The following CNTNAP2 variants were observed in gnomAD, a reference collection of about 807,000 sequenced individuals.
The protein encoded by CNTNAP2 is contactin-associated protein-like 2.
CNTNAP2 carries 98 observed loss-of-function variants against 155.2 expected under a neutral mutation model. The observed-to-expected ratio is 0.63, with a 90% CI of 0.54 to 0.75. CNTNAP2 has a LOEUF of 0.75. Ranked by LOEUF, CNTNAP2 falls within the 30% of genes least tolerant of loss-of-function variation. CNTNAP2 has a pLI of 0.00. For missense variants in CNTNAP2, 1,727 were observed against 1,688.1 expected, an observed-to-expected ratio of 1.02 and a Z score of -0.40; for synonymous variants, 651 against 631.2, an observed-to-expected ratio of 1.03 and a Z score of -0.47.
intron 21 of CNTNAP2, among the ~76,000 whole-genome samples, chr7:148,344,866 C>T (rs1009522449): frequency 6.6e-6 from 1 of 152,190 alleles, no homozygotes; most frequent in Non-Finnish European, 1.5e-5. Flanking sequence ...AATATAAGCT[C>T]ATGCATTTAG....
At chr7:147,621,851 A>G (rs1435258415) in intron 12 of CNTNAP2, among the ~76,000 whole-genome samples, 1 of 152,086 alleles carries the variant, frequency 6.6e-6, no homozygotes, top group Non-Finnish European at 1.5e-5. Flanking sequence ...AATAGATGAA[A>G]AAGAAAAACC....
chr7:148,106,493 G>GAGATATAT (rs1554472856), intron 15 of CNTNAP2, among the ~76,000 whole-genome samples: 4 of 124,910 alleles, frequency 3.2e-5, no homozygotes, highest in African/African-American at 1.4e-4. Context: ...CACACTTTGA[G>GAGATATAT]ATATATATAT....
intron 8 of CNTNAP2, among the ~76,000 whole-genome samples, chr7:147,271,521 T>TAA (rs1158536382): frequency 1.3e-5 from 2 of 152,106 alleles, no homozygotes; most frequent in African/African-American, 4.8e-5. Flanking sequence ...ACACTGCTGG[T>TAA]AAAAACGTAC....
At chr7:147,995,620 T>G (rs1439650497) in intron 15 of CNTNAP2, among the ~76,000 whole-genome samples, 1 of 151,492 alleles carries the variant, frequency 6.6e-6, no homozygotes, top group Non-Finnish European at 1.5e-5. Flanking sequence ...CTCCTGCCAT[T>G]CTCCTGCCTC....
At chr7:147,707,827 G>A (rs1191081226) in intron 13 of CNTNAP2, among the ~76,000 whole-genome samples, 6 of 152,204 alleles carry the variant, frequency 3.9e-5, no homozygotes, top group African/African-American at 1.4e-4. Flanking sequence ...TGTGGTATGT[G>A]TACGTGGGTA....
At chr7:148,096,279 A>ATGTG (rs3056207) in intron 15 of CNTNAP2, among the ~76,000 whole-genome samples, 5,633 of 144,770 alleles carry the variant, frequency 0.039, 114 homozygotes, top group Non-Finnish European at 0.045. Flanking sequence ...GCATGCATGC[A>ATGTG]TGTGTGTGTG....
intron 10 of CNTNAP2, among the ~76,000 whole-genome samples, chr7:147,481,029 C>A (rs546268112): frequency 6.6e-6 from 1 of 152,126 alleles, no homozygotes; most frequent in Non-Finnish European, 1.5e-5. Context: ...CTGTTCATTG[C>A]GCTTGGTACC....
intron 9 of CNTNAP2, among the ~76,000 whole-genome samples, chr7:147,334,623 A>C (rs753555617): frequency 3.3e-5 from 5 of 152,202 alleles, no homozygotes; most frequent in Non-Finnish European, 7.3e-5. Flanking sequence ...GAGATCAAGA[A>C]GGTAATTCTA....
At chr7:147,694,549 ATTTATTCTCATGTGAG>A (rs1196936380) in intron 13 of CNTNAP2, among the ~76,000 whole-genome samples, 3 of 152,108 alleles carry the variant, frequency 2.0e-5, no homozygotes, top group Non-Finnish European at 4.4e-5. Flanking sequence ...CAGATTGTCA[ATTTATTCTCATGTGAG>A]TTTTTCAAAG....
At chr7:148,129,180 A>G (rs939166082) in intron 16 of CNTNAP2, among the ~76,000 whole-genome samples, 1 of 152,186 alleles carries the variant, frequency 6.6e-6, no homozygotes, top group East Asian at 1.9e-4. Context: ...AGACCTCACT[A>G]GAGATCTGGT....
chr7:146,764,445 A>G (rs928847229), intron 1 of CNTNAP2, among the ~76,000 whole-genome samples: 1 of 150,890 alleles, frequency 6.6e-6, no homozygotes, highest in Admixed American at 6.6e-5. Flanking sequence ...GCTAGGGTAA[A>G]AATTGTTTTT....
intron 4 of CNTNAP2, among the ~76,000 whole-genome samples, chr7:147,079,031 G>A (rs1456305611): frequency 6.6e-6 from 1 of 152,120 alleles, no homozygotes; most frequent in Non-Finnish European, 1.5e-5. Context: ...GATTACAGGT[G>A]TGAGCCACTG....
At chr7:147,903,423 T>C (rs1799907829) in intron 13 of CNTNAP2, 142 bp from the exon 14 acceptor site, 1 of 876,864 alleles carries the variant, frequency 1.1e-6, no homozygotes, top group Non-Finnish European at 1.8e-6. Flanking sequence ...CTGTGGGTTG[T>C]CTGTTTGAAA....
At chr7:147,472,857 T>C (rs10282026) in intron 10 of CNTNAP2, among the ~76,000 whole-genome samples, 118,579 of 152,148 alleles carry the variant, frequency 0.78, 46,571 homozygotes, top group African/African-American at 0.87. Context: ...TTTGATCATA[T>C]TCACCCAGCA....
At chr7:146,855,557 G>C (rs1794957628) in intron 3 of CNTNAP2, among the ~76,000 whole-genome samples, 1 of 151,656 alleles carries the variant, frequency 6.6e-6, no homozygotes, top group Admixed American at 6.6e-5. Context: ...ATATTGTTTA[G>C]TGAAAAAAAG....
intron 1 of CNTNAP2, among the ~76,000 whole-genome samples, chr7:146,577,176 G>A (rs1798538126): frequency 6.6e-6 from 1 of 151,976 alleles, no homozygotes; most frequent in South Asian, 2.1e-4. Flanking sequence ...GCTTTTGCTA[G>A]TTAAAAACAG....
intron 21 of CNTNAP2, among the ~76,000 whole-genome samples, chr7:148,343,048 C>T (rs1439263258): frequency 6.6e-6 from 1 of 152,234 alleles, no homozygotes; most frequent in Non-Finnish European, 1.5e-5. Flanking sequence ...CCATTGTGGG[C>T]CACAGCACTC....
At chr7:146,325,731 CTTCCTTCA>C (rs1453750452) in intron 1 of CNTNAP2, among the ~76,000 whole-genome samples, 1 of 151,892 alleles carries the variant, frequency 6.6e-6, no homozygotes, top group Non-Finnish European at 1.5e-5. Flanking sequence ...TTCTTTCCAT[CTTCCTTCA>C]TTCCTACTTT....
At chr7:146,815,356 CTG>C (rs1187659514) in intron 2 of CNTNAP2, among the ~76,000 whole-genome samples, 3 of 152,122 alleles carry the variant, frequency 2.0e-5, no homozygotes, top group South Asian at 2.1e-4. Flanking sequence ...CTCTAAATAA[CTG>C]TGTGATATTG....
Sources: allele counts gnomAD v4.1 joint callset (sites outside exome capture counted in the v4.1 genomes callset), GRCh38; gene constraint gnomAD v4.1.1; transcripts MANE v1.5; gene names NCBI Gene and HGNC (gene_info 2026-07-23, HGNC 2026-07-21).